The following MYLK variants were observed in gnomAD, a reference collection of about 807,000 sequenced individuals.
The protein encoded by MYLK is myosin light chain kinase.
A neutral mutation model predicts 203.4 loss-of-function variants in MYLK; 106 were observed. The observed-to-expected ratio is 0.52, with a 90% confidence interval of 0.45 to 0.61. MYLK has a LOEUF of 0.61. Ranked by LOEUF, MYLK falls within the 20% of genes least tolerant of loss-of-function variation. The probability of loss-of-function intolerance (pLI) is 0.00; values close to 1 mark genes in which losing one functional copy is unlikely to be tolerated. For synonymous variants in MYLK, 867 were observed against 959.5 expected (o/e 0.90, Z 1.78); for missense variants, 2,072 against 2,442.3 (o/e 0.85, Z 3.20).
intron 20 of MYLK, chr3:123,680,997 A>G (rs2060243739): frequency 7.2e-6 from 1 of 138,040 alleles, no homozygotes; most frequent in Non-Finnish European, 1.5e-5. Flanking sequence ...CTGCCTTTAT[A>G]GCCCCCTCCT....
At chr3:123,756,235 AG>A (rs145139961) in intron 4 of MYLK, among the ~76,000 whole-genome samples, 2,253 of 152,328 alleles carry the variant, frequency 0.015, 49 homozygotes, top group African/African-American at 0.052. Context: ...TCTATCTCCA[AG>A]AGACCCTAAA....
chr3:123,783,602 A>T (rs143598753), intron 4 of MYLK, among the ~76,000 whole-genome samples: 104 of 152,022 alleles, frequency 6.8e-4, no homozygotes, highest in African/African-American at 2.3e-3. Flanking sequence ...TTGTGCTTTT[A>T]AAAAATATAC....
intron 2 of MYLK, among the ~76,000 whole-genome samples, chr3:123,832,585 G>T (rs1182695503): frequency 1.3e-5 from 2 of 152,194 alleles, no homozygotes; most frequent in Non-Finnish European, 2.9e-5. Context: ...TAAGAGGTAG[G>T]ACCTTTAGGA....
At chr3:123,692,258 G>A (rs41302196) in intron 19 of MYLK, 103,776 of 1,065,420 alleles carry the variant, frequency 0.097, 6,182 homozygotes, top group African/African-American at 0.25. Context: ...TGTCCTCTCT[G>A]TCCAGAGACT....
At chr3:123,800,247 G>C (rs2065148420) in intron 3 of MYLK, 1 of 152,122 alleles carries the variant, frequency 6.6e-6, no homozygotes, top group Non-Finnish European at 1.5e-5. Context: ...GGAGGACCCT[G>C]TCAAGCAGAG....
chr3:123,748,320 C>T (rs1018379655), intron 5 of MYLK, among the ~76,000 whole-genome samples: 3 of 152,216 alleles, frequency 2.0e-5, no homozygotes, highest in African/African-American at 7.2e-5. Context: ...TAATCACCTC[C>T]CACCAGGCCC....
chr3:123,691,336 C>T (rs1343313792), intron 19 of MYLK: 1 of 152,182 alleles, frequency 6.6e-6, no homozygotes, highest in Non-Finnish European at 1.5e-5. Flanking sequence ...ATCCACTGTG[C>T]AGAACCTCAA....
chr3:123,636,474 G>A (rs1192082988), intron 29 of MYLK, among the ~76,000 whole-genome samples: 2 of 152,246 alleles, frequency 1.3e-5, no homozygotes, highest in African/African-American at 2.4e-5. Flanking sequence ...TCTCCATGAC[G>A]GCTGGAGGGG....
intron 4 of MYLK, among the ~76,000 whole-genome samples, chr3:123,774,981 G>C (rs1170938452): frequency 6.6e-6 from 1 of 151,996 alleles, no homozygotes; most frequent in Non-Finnish European, 1.5e-5. Flanking sequence ...CCCACAATGA[G>C]TGCCTACTCT....
rs1341867269 is a variant in MYLK at position 123,678,466 on chromosome 3, G to A, written c.3652+3758C>T. On this transcript the variant is annotated intron_variant, in intron 20 of 33. Transcript: ENST00000360304. Reference sequence around the variant, plus strand: ...CTTTCTCTCACCCCGTCCTTGCTTGGGTTGGGGTGGATGCCCTTGGCTTTT... The same window carrying A: ...CTTTCTCTCACCCCGTCCTTGCTTGAGTTGGGGTGGATGCCCTTGGCTTTT... Among the ~76,000 whole-genome samples, 3 of 152,018 alleles carry A rather than the reference G, an allele frequency of 2.0e-5. No homozygotes were observed. In the South Asian group the frequency reaches 6.2e-4, roughly 32 times the overall value.
At chr3:123,836,653 T>C (rs923756801) in intron 2 of MYLK, among the ~76,000 whole-genome samples, 1 of 152,192 alleles carries the variant, frequency 6.6e-6, no homozygotes, top group Non-Finnish European at 1.5e-5. Flanking sequence ...TGTACTAAAA[T>C]TCTCAGTTTG....
chr3:123,832,325 G>A (rs1201410184), intron 2 of MYLK, among the ~76,000 whole-genome samples: 2 of 152,172 alleles, frequency 1.3e-5, no homozygotes, highest in African/African-American at 4.8e-5. Flanking sequence ...GTTTTCCTCT[G>A]AGGGAAAATC....
chr3:123,676,061 T>C (rs547276543), intron 20 of MYLK, among the ~76,000 whole-genome samples: 57 of 152,324 alleles, frequency 3.7e-4, no homozygotes, highest in Non-Finnish European at 7.8e-4. Context: ...AGCATCAGGA[T>C]GGTTGTGAAA....
intron 7 of MYLK, among the ~76,000 whole-genome samples, chr3:123,738,007 GC>G (rs1012870099): frequency 1.6e-4 from 24 of 152,004 alleles, no homozygotes; most frequent in Non-Finnish European, 3.1e-4. Context: ...CTGTTTAACA[GC>G]CATCCCCAAC....
At chr3:123,851,666 C>A (rs967977215) in intron 2 of MYLK, among the ~76,000 whole-genome samples, 5 of 152,090 alleles carry the variant, frequency 3.3e-5, no homozygotes, top group African/African-American at 1.2e-4. Context: ...GGGTTTTCTA[C>A]ATATACAATC....
At chr3:123,649,264 T>A in intron 24 of MYLK, 70 bp from the exon 25 acceptor site, 1 of 1,601,142 alleles carries the variant, frequency 6.2e-7, no homozygotes, top group Non-Finnish European at 8.5e-7. Context: ...GAGAGCAAGA[T>A]GTGCTGGGGG....
chr3:123,668,751 C>G (rs1340350198), intron 20 of MYLK, among the ~76,000 whole-genome samples: 1 of 152,244 alleles, frequency 6.6e-6, no homozygotes, highest in East Asian at 1.9e-4. Context: ...CCCCCAGCAC[C>G]CCTCATCCTT....
intron 3 of MYLK, among the ~76,000 whole-genome samples, chr3:123,825,750 C>T (rs2148601022): frequency 6.6e-6 from 1 of 152,312 alleles, no homozygotes; most frequent in East Asian, 1.9e-4. Flanking sequence ...GTAGCCACAA[C>T]CCCAGTTGCA....
chr3:123,747,898 G>A (rs1440309596), intron 5 of MYLK, among the ~76,000 whole-genome samples: 4 of 152,096 alleles, frequency 2.6e-5, no homozygotes, highest in African/African-American at 7.2e-5. Flanking sequence ...CTGGGGCTGG[G>A]GCACACCCAC....
Sources: gnomAD v4.1 joint callset for allele counts (sites outside exome capture counted in the v4.1 genomes callset) on GRCh38, gnomAD v4.1.1 for gene constraint, MANE v1.5 for transcripts, NCBI Gene and HGNC (gene_info 2026-07-23, HGNC 2026-07-21) for gene names.